The following C1QTNF3 variants were observed in gnomAD, a reference collection of about 807,000 sequenced individuals.
C1QTNF3 encodes the protein complement C1q tumor necrosis factor-related protein 3.
C1QTNF3 carries 26 observed loss-of-function variants against 32.6 expected under a neutral mutation model. That is an observed-to-expected ratio of 0.80 (90% CI 0.58 to 1.11). The LOEUF is 1.11. Ranked by LOEUF, C1QTNF3 falls within the 50% of genes least tolerant of loss-of-function variation. The pLI, the probability that C1QTNF3 is intolerant of heterozygous loss-of-function variation, is 0.00. For synonymous variants in C1QTNF3, 155 were observed against 146.0 expected, an observed-to-expected ratio of 1.06 and a Z score of -0.44; for missense variants, 362 against 398.2, an observed-to-expected ratio of 0.91 and a Z score of 0.77.
the C1QTNF3 span, among the ~76,000 whole-genome samples, chr5:34,211,614 TC>T: frequency 6.8e-6 from 1 of 146,188 alleles, no homozygotes; most frequent in African/African-American, 2.5e-5. Context: ...ATTGTTCAAT[TC>T]CCACGTATGA....
At chr5:34,222,701 A>C in the C1QTNF3 span, among the ~76,000 whole-genome samples, 1 of 151,992 alleles carries the variant, frequency 6.6e-6, no homozygotes, top group Non-Finnish European at 1.5e-5. Flanking sequence ...AATGTTAGTC[A>C]AAAAAACTAC....
At chr5:34,156,040 T>C in the C1QTNF3 span, among the ~76,000 whole-genome samples, 1 of 152,214 alleles carries the variant, frequency 6.6e-6, no homozygotes, top group Non-Finnish European at 1.5e-5. Context: ...GACTACACCA[T>C]GAGGAGTTTG....
At chr5:34,194,802 G>C in the C1QTNF3 span, among the ~76,000 whole-genome samples, 2 of 151,872 alleles carry the variant, frequency 1.3e-5, no homozygotes, top group South Asian at 2.1e-4. Context: ...GATATAAAAT[G>C]ACATAGTATT....
the C1QTNF3 span, among the ~76,000 whole-genome samples, chr5:34,147,945 C>T: frequency 7.5e-3 from 1,139 of 152,188 alleles, 18 homozygotes; most frequent in Non-Finnish European, 0.01. Context: ...TCTGAGGTAC[C>T]GGGTTCATCT....
chr5:34,114,298 C>T, the C1QTNF3 span, among the ~76,000 whole-genome samples: 2 of 152,034 alleles, frequency 1.3e-5, no homozygotes, highest in African/African-American at 4.8e-5. Context: ...TCACTAAAGT[C>T]AAATAAGTAG....
chr5:34,035,862 C>A, intron 1 of C1QTNF3, 104 bp from the exon 2 acceptor site: 2 of 790,976 alleles, frequency 2.5e-6, no homozygotes, highest in East Asian at 2.7e-5. Context: ...TAATTCCAAT[C>A]GAATCACAGC....
chr5:34,133,225 T>C, the C1QTNF3 span, among the ~76,000 whole-genome samples: 39 of 152,272 alleles, frequency 2.6e-4, no homozygotes, highest in Admixed American at 8.5e-4. Flanking sequence ...ATGACAGTTT[T>C]AGTGATGGGA....
the C1QTNF3 span, among the ~76,000 whole-genome samples, chr5:34,147,005 G>A: frequency 2.0e-5 from 3 of 152,088 alleles, no homozygotes; most frequent in African/African-American, 7.2e-5. Context: ...GGCAATAGAC[G>A]TTAACAGATA....
At chr5:34,169,404 T>C in the C1QTNF3 span, among the ~76,000 whole-genome samples, 96,219 of 150,844 alleles carry the variant, frequency 0.64, 30,931 homozygotes, top group African/African-American at 0.66. Context: ...TGGCCATTTG[T>C]ATATCTTCTT....
At chr5:34,033,585 G>C (rs1416136622) in intron 2 of C1QTNF3, 127 bp from the exon 3 acceptor site, 2 of 1,164,008 alleles carry the variant, frequency 1.7e-6, no homozygotes, top group African/African-American at 3.1e-5. Flanking sequence ...TATAACCAAG[G>C]GGTATCATCA....
chr5:34,196,305 C>A, the C1QTNF3 span, among the ~76,000 whole-genome samples: 1 of 152,306 alleles, frequency 6.6e-6, no homozygotes, highest in African/African-American at 2.4e-5. Context: ...CACCACCATG[C>A]CCAGCTAATT....
At chr5:34,063,832 T>A in the C1QTNF3 span, among the ~76,000 whole-genome samples, 3 of 151,928 alleles carry the variant, frequency 2.0e-5, no homozygotes, top group Non-Finnish European at 4.4e-5. Flanking sequence ...TCGGAGGAAG[T>A]AGGTTCAGAG....
chr5:34,035,724 C>T lies in C1QTNF3; in HGVS notation c.338G>A (p.Ser113Asn), dbSNP rs562996217. 10 of 1,612,664 alleles carry T rather than the reference C, an allele frequency of 6.2e-6. No homozygotes were observed. The South Asian group carries it at 8.8e-5, about 14-fold the overall frequency. Residue 113 changes from serine to asparagine, a missense_variant, in exon 2 of 6, where the codon AGT becomes AAT. Physicochemically the swap from Ser to Asn is conservative, Grantham distance 46. Coordinates refer to ENST00000382065, the MANE Select transcript of C1QTNF3 (RefSeq NM_181435.6). ...PQTGGLPPDC[S>N]KCCHGDYSFR... is the part of the protein sequence containing the mutation. Reference sequence around the variant, plus strand: ...GCTGTAGTCTCCATGACAACACTTACTGCAGTCTGGGGGTAGTCCTCCGGT... The same window carrying T: ...GCTGTAGTCTCCATGACAACACTTATTGCAGTCTGGGGGTAGTCCTCCGGT...
chr5:34,178,106 A>C, the C1QTNF3 span, among the ~76,000 whole-genome samples: 158 of 23,320 alleles, frequency 6.8e-3, no homozygotes, highest in Non-Finnish European at 0.014. Flanking sequence ...ATCTCTACTA[A>C]AAAAAAAAAA....
intron 3 of C1QTNF3, among the ~76,000 whole-genome samples, chr5:34,030,339 G>A (rs1018102632): frequency 1.3e-5 from 2 of 152,166 alleles, no homozygotes; most frequent in African/African-American, 4.8e-5. Context: ...ACCTGCTCAC[G>A]GTGGCAACCA....
chr5:34,170,820 T>C, the C1QTNF3 span, among the ~76,000 whole-genome samples: 2 of 152,162 alleles, frequency 1.3e-5, no homozygotes, highest in Non-Finnish European at 1.5e-5. Flanking sequence ...TACACATCAA[T>C]GTGTTCAAAA....
chr5:34,223,339 G>A, the C1QTNF3 span, among the ~76,000 whole-genome samples: 4 of 150,836 alleles, frequency 2.7e-5, no homozygotes, highest in Non-Finnish European at 1.5e-5. Flanking sequence ...TCCCTACAAA[G>A]GACATGAACT....
chr5:34,197,874 T>C, the C1QTNF3 span, among the ~76,000 whole-genome samples: 1 of 152,104 alleles, frequency 6.6e-6, no homozygotes, highest in African/African-American at 2.4e-5. Context: ...TTTTAGTTCA[T>C]AGATTACTGT....
At chr5:34,123,370 A>G in the C1QTNF3 span, among the ~76,000 whole-genome samples, 1 of 152,184 alleles carries the variant, frequency 6.6e-6, no homozygotes, top group Admixed American at 6.5e-5. Context: ...CCATATCTAC[A>G]TCTACATAAA....
Sources: gnomAD v4.1 joint callset for allele counts (sites outside exome capture counted in the v4.1 genomes callset) on GRCh38, gnomAD v4.1.1 for gene constraint, MANE v1.5 for transcripts, NCBI Gene and HGNC (gene_info 2026-07-23, HGNC 2026-07-21) for gene names.